Variants in STK32B observed in about 807,000 individuals in gnomAD.
STK32B encodes the protein serine/threonine kinase 32B, also known as serine/threonine-protein kinase 32B.
STK32B carries 43 observed loss-of-function variants against 52.6 expected under a neutral mutation model. The observed-to-expected ratio is 0.82, with a 90% CI of 0.64 to 1.05. STK32B has a LOEUF of 1.05. STK32B is among the 50% of genes least tolerant of loss of function. The pLI is 0.00. For missense variants in STK32B, 621 were observed against 534.6 expected (o/e 1.16, Z -1.59); for synonymous variants, 238 against 204.3 (o/e 1.17, Z -1.41).
intron 3 of STK32B, among the ~76,000 whole-genome samples, chr4:5,268,536 GTGGTGTGTGTGTGT>G (rs1727197322): frequency 7.6e-6 from 1 of 131,526 alleles, no homozygotes; most frequent in African/African-American, 3.0e-5. Flanking sequence ...GTTGCTTGGT[GTGGTGTGTGTGTGT>G]GTGTGTGTGT....
intron 4 of STK32B, among the ~76,000 whole-genome samples, chr4:5,347,618 C>G (rs1262659907): frequency 6.6e-6 from 1 of 152,142 alleles, no homozygotes; most frequent in Non-Finnish European, 1.5e-5. Flanking sequence ...TGGTTTGGCT[C>G]TGTGTCCCCA....
intron 2 of STK32B, among the ~76,000 whole-genome samples, chr4:5,159,384 C>A (rs984425353): frequency 6.6e-6 from 1 of 151,184 alleles, no homozygotes; most frequent in African/African-American, 2.4e-5. Context: ...AATTCTGATC[C>A]TGGCTGGCTC....
At chr4:5,226,511 G>A (rs1447282) in intron 3 of STK32B, among the ~76,000 whole-genome samples, 90,724 of 152,044 alleles carry the variant, frequency 0.6, 27,203 homozygotes, top group East Asian at 0.7. Context: ...TGCCTGCCCC[G>A]TCCATCCCAC....
At chr4:5,360,647 T>C (rs1734484805) in intron 4 of STK32B, among the ~76,000 whole-genome samples, 1 of 151,164 alleles carries the variant, frequency 6.6e-6, no homozygotes, top group Non-Finnish European at 1.5e-5. Context: ...AGATGTGGGG[T>C]TTTTAAAAGT....
At chr4:5,069,196 T>A (rs1711605705) in intron 1 of STK32B, among the ~76,000 whole-genome samples, 1 of 149,104 alleles carries the variant, frequency 6.7e-6, no homozygotes, top group African/African-American at 2.5e-5. Context: ...TTCTCTTTTT[T>A]TTTTTTTTTT....
At chr4:5,318,728 A>G (rs566055941) in intron 3 of STK32B, among the ~76,000 whole-genome samples, 1 of 152,296 alleles carries the variant, frequency 6.6e-6, no homozygotes, top group East Asian at 1.9e-4. Flanking sequence ...TGACCAGAGC[A>G]AAGAGTTCAT....
intron 4 of STK32B, among the ~76,000 whole-genome samples, chr4:5,335,957 G>A (rs1260298500): frequency 6.6e-6 from 1 of 151,324 alleles, no homozygotes; most frequent in African/African-American, 2.4e-5. Flanking sequence ...GTAGTATTGA[G>A]AACGCAGACC....
At chr4:5,024,421 A>T in the STK32B span, among the ~76,000 whole-genome samples, 1 of 152,216 alleles carries the variant, frequency 6.6e-6, no homozygotes, top group East Asian at 1.9e-4. Context: ...GTACTTGGCC[A>T]ATGTCCACAA....
chr4:5,489,691 G>T (rs1435792745), intron 11 of STK32B, among the ~76,000 whole-genome samples: 1 of 151,736 alleles, frequency 6.6e-6, no homozygotes, highest in Admixed American at 6.6e-5. Context: ...CACAATCTTG[G>T]CTCACTGCAA....
At chr4:5,223,697 G>T (rs1723681863) in intron 3 of STK32B, among the ~76,000 whole-genome samples, 1 of 151,426 alleles carries the variant, frequency 6.6e-6, no homozygotes, top group African/African-American at 2.4e-5. Context: ...GACACCTGTA[G>T]TCCCAGCTAC....
Position 5,312,548 on chromosome 4 carries a change from G to A in STK32B, c.261-18672G>A, listed in dbSNP as rs1304084556. Reference sequence around the variant, plus strand: ...TGAGAACATGCGTGTTTGGTTTTTTGTTCTTCCGATAGTTTACTGAGAGTG... The same window carrying A: ...TGAGAACATGCGTGTTTGGTTTTTTATTCTTCCGATAGTTTACTGAGAGTG... On this transcript the variant is annotated intron_variant, in intron 3 of 11. Coordinates refer to ENST00000282908, the MANE Select transcript of STK32B (RefSeq NM_018401.3). Among the ~76,000 whole-genome samples, 72 of 150,542 alleles carry A rather than the reference G, an allele frequency of 4.8e-4. 1 individual carries two copies. Among genetic ancestry groups the A allele is most frequent in the Non-Finnish European group, 8.8e-5 (6 of 67,828 alleles).
At chr4:5,305,678 GT>G (rs1729880947) in intron 3 of STK32B, among the ~76,000 whole-genome samples, 1 of 151,912 alleles carries the variant, frequency 6.6e-6, no homozygotes, top group South Asian at 2.1e-4. Context: ...CTTTTATATT[GT>G]TTTTTGTTTG....
At chr4:5,441,798 G>T (rs1163047189) in intron 6 of STK32B, among the ~76,000 whole-genome samples, 1 of 130,086 alleles carries the variant, frequency 7.7e-6, no homozygotes, top group Non-Finnish European at 1.7e-5. Context: ...ATTCTGGTAT[G>T]TTGTGTCTTT....
At chr4:5,455,959 A>C (rs1236038308) in intron 7 of STK32B, among the ~76,000 whole-genome samples, 1 of 152,154 alleles carries the variant, frequency 6.6e-6, no homozygotes, top group Non-Finnish European at 1.5e-5. Flanking sequence ...TGTTTTTGTC[A>C]TCCCAAGACA....
chr4:5,034,968 T>C, the STK32B span, among the ~76,000 whole-genome samples: 1 of 152,168 alleles, frequency 6.6e-6, no homozygotes, highest in South Asian at 2.1e-4. Context: ...AACAATGCAT[T>C]TTCACGGTTA....
intron 11 of STK32B, among the ~76,000 whole-genome samples, chr4:5,468,789 G>A (rs1490095859): frequency 6.6e-6 from 1 of 152,118 alleles, no homozygotes; most frequent in South Asian, 2.1e-4. Context: ...GAGGCCGGGC[G>A]CGGTGGCTCA....
At chr4:5,459,201 G>A (rs75176999) in intron 8 of STK32B, among the ~76,000 whole-genome samples, 3,160 of 152,278 alleles carry the variant, frequency 0.021, 132 homozygotes, top group African/African-American at 0.071. Flanking sequence ...AATGGGCATA[G>A]GTGGGAGATT....
intron 6 of STK32B, among the ~76,000 whole-genome samples, chr4:5,422,739 G>A (rs1577475579): frequency 6.6e-6 from 1 of 152,298 alleles, no homozygotes; most frequent in Non-Finnish European, 1.5e-5. Flanking sequence ...TATGAACATA[G>A]TTGTACACAG....
At chr4:5,355,835 A>G (rs1734138243) in intron 4 of STK32B, among the ~76,000 whole-genome samples, 1 of 152,178 alleles carries the variant, frequency 6.6e-6, no homozygotes, top group African/African-American at 2.4e-5. Flanking sequence ...TTCCTTGAGG[A>G]ACACAATCCT....
Sources: gnomAD v4.1 joint callset for allele counts (sites outside exome capture counted in the v4.1 genomes callset) on GRCh38, gnomAD v4.1.1 for gene constraint, MANE v1.5 for transcripts, NCBI Gene and HGNC (gene_info 2026-07-23, HGNC 2026-07-21) for gene names.